CHD1L: variants seen among roughly 807,000 people sequenced by gnomAD.
CHD1L encodes ATP-dependent chromatin remodeler CHD1L.
Under a neutral mutation model 115.9 loss-of-function variants are expected in CHD1L, and 118 were observed. The observed-to-expected ratio is 1.02, with a 90% confidence interval of 0.88 to 1.19. The LOEUF (loss-of-function observed/expected upper bound fraction) is 1.19. Among genes scored for constraint, CHD1L ranks in the 50% most tolerant of loss-of-function variants. The pLI is 0.00. For missense variants in CHD1L, 1,179 were observed against 1,065.3 expected, an observed-to-expected ratio of 1.11 and a Z score of -1.49; for synonymous variants, 411 against 387.1, an observed-to-expected ratio of 1.06 and a Z score of -0.72.
intron 1 of CHD1L, among the ~76,000 whole-genome samples, chr1:147,249,404 A>ATTTTT (rs59773572): frequency 0.2 from 19,111 of 94,012 alleles, 3,913 homozygotes; most frequent in Middle Eastern, 0.31. Flanking sequence ...CTTGGTGTGT[A>ATTTTT]TTTTTTTTTT....
intron 18 of CHD1L, among the ~76,000 whole-genome samples, chr1:147,287,069 G>A (rs1683454438): frequency 6.6e-6 from 1 of 152,056 alleles, no homozygotes; most frequent in African/African-American, 2.4e-5. Flanking sequence ...TTTGACTGTT[G>A]CTTTGCATTA....
the CHD1L span, among the ~76,000 whole-genome samples, chr1:147,219,237 T>C: frequency 1.3e-5 from 2 of 152,178 alleles, no homozygotes; most frequent in Non-Finnish European, 2.9e-5. Flanking sequence ...TCACCAAATA[T>C]GTAATATTAT....
rs1553953857 is a variant in CHD1L at position 147,272,211 on chromosome 1, A to G, written c.1200A>G (p.Glu400=). The G allele has an allele frequency of 3.1e-6, 5 of 1,614,022 alleles. No individual in the cohort carries two copies. In the Admixed American group the frequency reaches 8.3e-5, roughly 27 times the overall value. ...GTGTGGATGGTTCTGTGAGAGGAGAAGAGAGACACTTGGCCATTAAGAACT... is the reference window on the plus strand; with the variant it reads ...GTGTGGATGGTTCTGTGAGAGGAGAGGAGAGACACTTGGCCATTAAGAACT... ...YERVDGSVRG[E]ERHLAIKNFG... Residue 400 remains glutamate (E), a synonymous_variant, in exon 12 of 23, where the codon GAA becomes GAG. Coordinates refer to ENST00000369258, the MANE Select transcript of CHD1L (RefSeq NM_004284.6).
chr1:147,230,764 C>G, the CHD1L span, among the ~76,000 whole-genome samples: 3 of 150,238 alleles, frequency 2.0e-5, no homozygotes, highest in Non-Finnish European at 4.4e-5. Flanking sequence ...AGGAATTTAT[C>G]CATTTCTTCT....
At chr1:147,272,057 G>A (rs1388293327) in intron 11 of CHD1L, 114 bp from the exon 12 acceptor site, 2 of 707,002 alleles carry the variant, frequency 2.8e-6, no homozygotes, top group African/African-American at 1.8e-5. Flanking sequence ...AAGTAGGGCT[G>A]TGCCTGTATA....
At chr1:147,264,326 C>T (rs369800943) in intron 6 of CHD1L, 96 bp from the exon 7 acceptor site, 3 of 1,120,116 alleles carry the variant, frequency 2.7e-6, no homozygotes, top group Non-Finnish European at 3.8e-6. Context: ...TTCATTAAAT[C>T]ATGCCTCTCT....
At chr1:147,284,851 A>T (rs1459191548) in intron 16 of CHD1L, among the ~76,000 whole-genome samples, 1 of 152,194 alleles carries the variant, frequency 6.6e-6, no homozygotes, top group Non-Finnish European at 1.5e-5. Flanking sequence ...CATAAATGAT[A>T]TATGTAGTGT....
At chr1:147,202,271 AG>A in the CHD1L span, among the ~76,000 whole-genome samples, 1 of 150,972 alleles carries the variant, frequency 6.6e-6, no homozygotes, top group East Asian at 1.9e-4. Flanking sequence ...AATAATAATA[AG>A]GCTGGTTTCT....
chr1:147,208,995 T>G, the CHD1L span: 1 of 1,614,026 alleles, frequency 6.2e-7, no homozygotes, highest in Non-Finnish European at 8.5e-7. Flanking sequence ...CAGCAGGATA[T>G]CCGTAGTCCC....
At chr1:147,242,923 G>A (rs1483767970) in intron 1 of CHD1L, 93 bp downstream of exon 1, 1 of 1,222,536 alleles carries the variant, frequency 8.2e-7, no homozygotes. Flanking sequence ...GCCGCCCGGT[G>A]GGCAGTTTAC....
the CHD1L span, chr1:147,225,144 A>C: frequency 6.4e-7 from 1 of 1,565,316 alleles, no homozygotes; most frequent in Admixed American, 1.8e-5. Flanking sequence ...GTGGCATTCG[A>C]ATAAATTCTG....
intron 1 of CHD1L, among the ~76,000 whole-genome samples, chr1:147,251,513 T>C (rs1668391403): frequency 6.6e-6 from 1 of 152,156 alleles, no homozygotes. Flanking sequence ...AATGAGATAC[T>C]GTAATTTATT....
At chr1:147,272,332 A>C (rs782168690) in intron 12 of CHD1L, 51 bp downstream of exon 12, 2 of 1,225,650 alleles carry the variant, frequency 1.6e-6, no homozygotes, top group South Asian at 1.2e-5. Context: ...ATAATAGAGT[A>C]CTATTACATC....
chr1:147,257,488 C>T (rs1260293790), intron 5 of CHD1L, among the ~76,000 whole-genome samples: 1 of 152,000 alleles, frequency 6.6e-6, no homozygotes, highest in Non-Finnish European at 1.5e-5. Context: ...TGTTGAAAGT[C>T]AGTCACTGGA....
intron 19 of CHD1L, among the ~76,000 whole-genome samples, chr1:147,289,286 AC>A (rs782377596): frequency 1.3e-5 from 2 of 152,088 alleles, no homozygotes; most frequent in African/African-American, 2.4e-5. Flanking sequence ...CCTGGAAAAC[AC>A]CTCTACTTAG....
intron 19 of CHD1L, 58 bp from the exon 20 acceptor site, chr1:147,291,424 G>T: frequency 7.3e-7 from 1 of 1,370,718 alleles, no homozygotes; most frequent in South Asian, 1.2e-5. Flanking sequence ...ATACGAGGAG[G>T]ATTCATTCAT....
chr1:147,242,878 G>T, intron 1 of CHD1L, 48 bp downstream of exon 1: 2 of 1,253,368 alleles, frequency 1.6e-6, no homozygotes, highest in South Asian at 4.0e-5. Context: ...AACCTATTGG[G>T]ACTGCCTCTT....
chr1:147,267,693 G>A (rs1190212569), intron 9 of CHD1L, among the ~76,000 whole-genome samples, 175 bp downstream of exon 9: 1 of 152,004 alleles, frequency 6.6e-6, no homozygotes, highest in African/African-American at 2.4e-5. Context: ...CAGTTGTCCC[G>A]GTAATATCCC....
In CHD1L at chr1:147,272,794, TACG is replaced by T. The variant is rs782676519; in HGVS notation, c.1270+516_1270+518del. The stretch of plus-strand genomic sequence containing the variant: ...CATATATGATTTAAATCGTGAATAT[TACG>T]ACATTTGTAATGCTTTACCAGTTAC... On this transcript the variant is annotated intron_variant, in intron 12 of 22. Transcript: ENST00000369258. 5.9e-5 allele frequency among the ~76,000 whole-genome samples: 9 copies of T among 152,184 alleles called. 1 individual carries two copies. Among genetic ancestry groups the T allele is most frequent in the East Asian group, 3.9e-4 (2 of 5,178 alleles).
Sources: allele counts gnomAD v4.1 joint callset (sites outside exome capture counted in the v4.1 genomes callset), GRCh38; gene constraint gnomAD v4.1.1; transcripts MANE v1.5; gene names NCBI Gene and HGNC (gene_info 2026-07-23, HGNC 2026-07-21).